The following KIF16B variants were observed in gnomAD, a reference collection of about 807,000 sequenced individuals.
The protein encoded by KIF16B is kinesin-like protein KIF16B.
A neutral mutation model predicts 156.3 loss-of-function variants in KIF16B; 98 were observed. The observed-to-expected ratio is 0.63, with a 90% CI of 0.53 to 0.74. The LOEUF is 0.74. KIF16B is among the 30% of genes least tolerant of loss of function. The pLI, the probability that KIF16B is intolerant of heterozygous loss-of-function variation, is 0.00. For synonymous variants in KIF16B, 564 were observed against 583.7 expected, an observed-to-expected ratio of 0.97 and a Z score of 0.49; for missense variants, 1,421 against 1,606.5, an observed-to-expected ratio of 0.88 and a Z score of 1.97.
rs1362366822 is a variant in KIF16B, at chr20:16,370,649, GA to G, written c.3448-14del. ...GTTTCTCATTATCCTGAAAAGAAAAGAAAAAGCCCTCTATATTAAATTATAG... is the reference window on the plus strand; with the variant it reads ...GTTTCTCATTATCCTGAAAAGAAAAGAAAAGCCCTCTATATTAAATTATAG... On this transcript the variant is annotated splice_polypyrimidine_tract_variant and intron_variant, in intron 21 of 25. Transcript: ENST00000354981. The G allele has an allele frequency of 1.3e-6, 2 of 1,577,718 alleles. No individual in the cohort carries two copies. Among genetic ancestry groups the G allele is most frequent in the Admixed American group, 3.9e-5 (2 of 51,052 alleles).
chr20:16,423,434 AC>A (rs923205569), intron 15 of KIF16B, among the ~76,000 whole-genome samples: 24 of 152,260 alleles, frequency 1.6e-4, no homozygotes, highest in African/African-American at 5.8e-4. Context: ...ATGAGAAAGC[AC>A]TTACAAGGAG....
At chr20:16,519,788 TG>T (rs987111474) in intron 3 of KIF16B, among the ~76,000 whole-genome samples, 4 of 152,006 alleles carry the variant, frequency 2.6e-5, no homozygotes, top group Non-Finnish European at 4.4e-5. Context: ...AGAAGGCAAG[TG>T]ATTTCTGGAT....
Position 16,272,393 on chromosome 20 carries a change from T to C in KIF16B, c.*860A>G, listed in dbSNP as rs192304652. 8.6e-4 allele frequency: 132 copies of C among 152,738 alleles called. No homozygotes were observed. The highest frequency in any genetic ancestry group is 1.5e-3 in the Non-Finnish European group (103 of 68,032). 9.5% of individuals were successfully genotyped at this position (152,738 alleles called of 1,614,324 possible). On this transcript the variant is annotated 3_prime_UTR_variant, in exon 26 of 26. Coordinates refer to ENST00000354981, the MANE Select transcript of KIF16B (RefSeq NM_024704.5). Reference sequence around the variant, plus strand: ...ATTTAAGGTATCATTAATAAACTGCTATAAATTCTAGTTTTCCAGCCAAAG... The same window carrying C: ...ATTTAAGGTATCATTAATAAACTGCCATAAATTCTAGTTTTCCAGCCAAAG...
intron 25 of KIF16B, among the ~76,000 whole-genome samples, chr20:16,291,571 G>C (rs1039688028): frequency 1.3e-5 from 2 of 152,210 alleles, no homozygotes; most frequent in African/African-American, 4.8e-5. Flanking sequence ...TGGATAGAAA[G>C]ATGCCCCTGA....
At position 16,392,080 on chromosome 20, in the gene KIF16B, C is replaced by T. The variant is rs551378228; in HGVS notation, c.1785-10333G>A. The stretch of plus-strand genomic sequence containing the variant: ...ATGCTCTCATGTTTACAATAATTCA[C>T]TGCAAAAAATTTAGAAAGCACAGGT... On this transcript the variant is annotated intron_variant, in intron 17 of 25. Coordinates refer to ENST00000354981, the MANE Select transcript of KIF16B (RefSeq NM_024704.5). Among the ~76,000 whole-genome samples the T allele has an allele frequency of 3.3e-5, 5 of 152,290 alleles. No individual in the cohort carries two copies. The South Asian group carries it at 1.0e-3, about 32-fold the overall frequency.
At chr20:16,351,303 T>C (rs984833129) in intron 23 of KIF16B, among the ~76,000 whole-genome samples, 1 of 152,194 alleles carries the variant, frequency 6.6e-6, no homozygotes, top group Non-Finnish European at 1.5e-5. Flanking sequence ...ATGAGTGTGA[T>C]AGTCTCTGCT....
intron 1 of KIF16B, among the ~76,000 whole-genome samples, chr20:16,564,171 A>G (rs576088307): frequency 1.3e-5 from 2 of 152,336 alleles, no homozygotes; most frequent in African/African-American, 2.4e-5. Context: ...AACATGGAGT[A>G]AAAAAGTTTC....
intron 1 of KIF16B, among the ~76,000 whole-genome samples, chr20:16,535,010 A>T (rs1178423261): frequency 1.3e-5 from 2 of 150,522 alleles, no homozygotes; most frequent in Non-Finnish European, 3.0e-5. Context: ...AAATTTTAGA[A>T]TTTTTTTTTT....
chr20:16,545,746 C>T (rs931193943), intron 1 of KIF16B, among the ~76,000 whole-genome samples: 2 of 152,178 alleles, frequency 1.3e-5, no homozygotes, highest in Non-Finnish European at 2.9e-5. Flanking sequence ...TGGATTCAGA[C>T]ATTAAATCGA....
rs987729267 is a variant in KIF16B, at chr20:16,389,400, CT to C, written c.1785-7654del. ...TGTCATCTTTGAAAGAACTCCTGGC[CT>C]TTTGCCTGGAATGCTCGGTAGTATT... On this transcript the variant is annotated intron_variant, in intron 17 of 25. Coordinates refer to ENST00000354981, the MANE Select transcript of KIF16B (RefSeq NM_024704.5). Among the ~76,000 whole-genome samples the C allele has an allele frequency of 9.3e-4, 142 of 152,286 alleles. 1 individual carries two copies. The highest frequency in any genetic ancestry group is 3.3e-3 in the African/African-American group (136 of 41,560).
At chr20:16,367,006 T>C (rs2064681749) in intron 22 of KIF16B, 8 of 1,321,640 alleles carry the variant, frequency 6.1e-6, no homozygotes, top group Admixed American at 7.1e-5. Flanking sequence ...ATTTACATTT[T>C]CAATTTTAGA....
intron 22 of KIF16B, among the ~76,000 whole-genome samples, chr20:16,362,820 C>A (rs1431120932): frequency 6.6e-6 from 1 of 152,166 alleles, no homozygotes; most frequent in East Asian, 1.9e-4. Flanking sequence ...TTGTAAACCA[C>A]AATATAAACA....
At chr20:16,342,661 A>G (rs557782751) in intron 23 of KIF16B, among the ~76,000 whole-genome samples, 1 of 152,374 alleles carries the variant, frequency 6.6e-6, no homozygotes, top group Non-Finnish European at 1.5e-5. Context: ...TGAGAGATTT[A>G]AAAATTCTTC....
At chr20:16,475,857 T>C (rs2067795044) in intron 12 of KIF16B, among the ~76,000 whole-genome samples, 1 of 152,258 alleles carries the variant, frequency 6.6e-6, no homozygotes, top group South Asian at 2.1e-4. Flanking sequence ...GGTACTCTGC[T>C]CTTGAAGCAA....
At chr20:16,523,663 C>T (rs893966626) in intron 3 of KIF16B, among the ~76,000 whole-genome samples, 15 of 152,088 alleles carry the variant, frequency 9.9e-5, no homozygotes, top group African/African-American at 3.6e-4. Context: ...TGACTTTCTT[C>T]ATAGAATTAG....
intron 12 of KIF16B, among the ~76,000 whole-genome samples, chr20:16,477,492 C>T (rs2146809864): frequency 6.6e-6 from 1 of 152,254 alleles, no homozygotes; most frequent in Non-Finnish European, 1.5e-5. Context: ...CAAAGATGTA[C>T]TAAATCACAT....
chr20:16,387,209 G>A (rs773814285), intron 17 of KIF16B, among the ~76,000 whole-genome samples: 67 of 152,290 alleles, frequency 4.4e-4, no homozygotes, highest in Middle Eastern at 3.4e-3. Flanking sequence ...TGAAGGGGCC[G>A]GTGGGCAAGA....
rs1008294161 is a variant in KIF16B, at chr20:16,279,589, C to T, written c.3796-6178G>A. Among the ~76,000 whole-genome samples the T allele has an allele frequency of 3.9e-5, 6 of 152,250 alleles. No individual in the cohort carries two copies. The East Asian group carries it at 1.2e-3, about 29-fold the overall frequency. On this transcript the variant is annotated intron_variant, in intron 25 of 25. Coordinates refer to ENST00000354981, the MANE Select transcript of KIF16B (RefSeq NM_024704.5). ...AGAACACAATCAAGCTCCTCCAGGG[C>T]TAGTCTATGCTAAGATGGAGGTATC...
chr20:16,418,064 C>G (rs568034180), intron 15 of KIF16B, among the ~76,000 whole-genome samples: 2 of 151,382 alleles, frequency 1.3e-5, no homozygotes, highest in African/African-American at 4.9e-5. Context: ...AGGTTAACCC[C>G]GAGAAATCCA....
Sources: allele counts gnomAD v4.1 joint callset (sites outside exome capture counted in the v4.1 genomes callset), GRCh38; gene constraint gnomAD v4.1.1; transcripts MANE v1.5; gene names NCBI Gene and HGNC (gene_info 2026-07-23, HGNC 2026-07-21).